Variants in FRMD4A observed in about 807,000 individuals in gnomAD.
FRMD4A encodes the protein FERM domain containing 4A.
In FRMD4A, 29 loss-of-function variants were observed where a neutral mutation model predicts 129.1. The ratio of observed to expected loss-of-function variants is 0.22; its 90% CI spans 0.17 to 0.31. The LOEUF (loss-of-function observed/expected upper bound fraction) is 0.31, where lower values mean the gene tolerates loss of function less well. FRMD4A is among the 10% of genes least tolerant of loss of function. The pLI, the probability that FRMD4A is intolerant of heterozygous loss-of-function variation, is 1.00. For synonymous variants in FRMD4A, 634 were observed against 571.6 expected, an observed-to-expected ratio of 1.11 and a Z score of -1.56; for missense variants, 1,272 against 1,375.8, an observed-to-expected ratio of 0.92 and a Z score of 1.19.
chr10:13,896,768 CAT>C (rs2094763243), intron 2 of FRMD4A, among the ~76,000 whole-genome samples: 1 of 151,756 alleles, frequency 6.6e-6, no homozygotes, highest in Non-Finnish European at 1.5e-5. Context: ...GAAATGAAAA[CAT>C]AAAAAGAAAT....
chr10:14,181,430 A>G (rs879901964), intron 2 of FRMD4A, among the ~76,000 whole-genome samples: 5 of 152,140 alleles, frequency 3.3e-5, no homozygotes, highest in Admixed American at 2.6e-4. Flanking sequence ...GAAAGCTGAG[A>G]GACAGGCATC....
At chr10:14,182,003 T>G (rs1357404923) in intron 2 of FRMD4A, among the ~76,000 whole-genome samples, 1 of 152,220 alleles carries the variant, frequency 6.6e-6, no homozygotes, top group Non-Finnish European at 1.5e-5. Flanking sequence ...ACTACATCTT[T>G]TCTTGATATT....
intron 2 of FRMD4A, among the ~76,000 whole-genome samples, chr10:13,975,679 G>T (rs2095539921): frequency 6.7e-6 from 1 of 150,150 alleles, no homozygotes; most frequent in South Asian, 2.1e-4. Flanking sequence ...GTTTTATGGG[G>T]GTCATTATCT....
At position 14,266,712 on chromosome 10, in the gene FRMD4A, G is replaced by A. The variant is rs554965431; in HGVS notation, c.45+63346C>T. On this transcript the variant is annotated intron_variant, in intron 2 of 24. Transcript: ENST00000357447. ...CTGCAGAGTATGCACTAATTGAACT[G>A]CCTTTATTTTCTTTCTTATCATAAA... Among the ~76,000 whole-genome samples, 36 of 152,236 alleles carry A rather than the reference G, an allele frequency of 2.4e-4. 1 individual carries two copies. In the South Asian group the frequency reaches 7.5e-3, roughly 32 times the overall value.
At chr10:14,053,355 T>C (rs139706317) in intron 2 of FRMD4A, among the ~76,000 whole-genome samples, 105 of 152,188 alleles carry the variant, frequency 6.9e-4, no homozygotes, top group African/African-American at 2.4e-3. Context: ...CAAACACCTC[T>C]CACAACATGA....
chr10:13,760,643 A>G (rs2092032745), intron 8 of FRMD4A, among the ~76,000 whole-genome samples: 1 of 152,246 alleles, frequency 6.6e-6, no homozygotes, highest in African/African-American at 2.4e-5. Context: ...GGTGGCCACC[A>G]ACAGAAGTAG....
At chr10:14,126,249 C>A (rs1589030607) in intron 2 of FRMD4A, among the ~76,000 whole-genome samples, 1 of 145,678 alleles carries the variant, frequency 6.9e-6, no homozygotes, top group South Asian at 2.2e-4. Context: ...TGGCTCAGTG[C>A]AACCTCTGCC....
chr10:14,100,048 C>T (rs111398641), intron 2 of FRMD4A, among the ~76,000 whole-genome samples: 1 of 152,198 alleles, frequency 6.6e-6, no homozygotes, highest in African/African-American at 2.4e-5. Flanking sequence ...GGTTTTCACC[C>T]CCACGTGCCA....
At chr10:13,912,582 G>C (rs979964829) in intron 2 of FRMD4A, among the ~76,000 whole-genome samples, 14 of 146,846 alleles carry the variant, frequency 9.5e-5, no homozygotes, top group African/African-American at 3.6e-4. Context: ...AGGCTAGAGT[G>C]CAGTGGCGCG....
Position 13,708,345 on chromosome 10 carries a change from G to C in FRMD4A, c.760-1232C>G, listed in dbSNP as rs143373064. Among the ~76,000 whole-genome samples, 320 of 152,280 alleles carry C rather than the reference G, an allele frequency of 2.1e-3. 2 individuals are homozygous for C. Among genetic ancestry groups the C allele is most frequent in the African/African-American group, 7.2e-3 (301 of 41,550 alleles). ...CAGGCTGGGGACACTGCTAGTCAAT[G>C]GTTGGCTAGTGGACCTAGCACCCCA... On this transcript the variant is annotated intron_variant, in intron 12 of 24. Transcript: ENST00000357447.
intron 2 of FRMD4A, among the ~76,000 whole-genome samples, chr10:13,904,992 C>CAAAGGAAA (rs551011444): frequency 9.1e-6 from 1 of 109,436 alleles, no homozygotes; most frequent in Non-Finnish European, 1.8e-5. Flanking sequence ...GACTCTATCT[C>CAAAGGAAA]AAAAAAAAAA....
At chr10:14,211,949 TG>T (rs1842944031) in intron 2 of FRMD4A, among the ~76,000 whole-genome samples, 1 of 152,154 alleles carries the variant, frequency 6.6e-6, no homozygotes, top group Non-Finnish European at 1.5e-5. Context: ...GGCTGCCTGG[TG>T]TTTCTCTCTG....
intron 2 of FRMD4A, among the ~76,000 whole-genome samples, chr10:13,867,954 A>G (rs1289519161): frequency 2.1e-5 from 3 of 145,342 alleles, no homozygotes; most frequent in Non-Finnish European, 3.0e-5. Context: ...AATACTATAT[A>G]TGTTTATTAA....
intron 24 of FRMD4A, chr10:13,647,475 A>T (rs996809250): frequency 1.4e-4 from 22 of 152,150 alleles, no homozygotes; most frequent in African/African-American, 4.8e-4. Context: ...CTTTTCCCAC[A>T]CGACAGCTGC....
At chr10:13,653,664 C>T (rs1185146876) in intron 23 of FRMD4A, among the ~76,000 whole-genome samples, 1 of 152,230 alleles carries the variant, frequency 6.6e-6, no homozygotes, top group African/African-American at 2.4e-5. Context: ...TCCTTAACTC[C>T]TCTAACCAAC....
chr10:13,942,748 C>T (rs1387774590), intron 2 of FRMD4A, among the ~76,000 whole-genome samples: 1 of 152,048 alleles, frequency 6.6e-6, no homozygotes, highest in Non-Finnish European at 1.5e-5. Context: ...TCCTGGCCAA[C>T]ATGGTGAAAC....
intron 3 of FRMD4A, among the ~76,000 whole-genome samples, chr10:13,823,726 A>C (rs900289448): frequency 1.8e-4 from 27 of 152,222 alleles, no homozygotes; most frequent in African/African-American, 6.3e-4. Flanking sequence ...GTTCTATAAG[A>C]TCAAATGACA....
chr10:13,797,782 T>G (rs1221748494), intron 4 of FRMD4A, among the ~76,000 whole-genome samples: 1 of 152,128 alleles, frequency 6.6e-6, no homozygotes, highest in Admixed American at 6.6e-5. Flanking sequence ...AGAAACAAAA[T>G]CTGTCTGCAT....
At chr10:13,653,876 T>A (rs1176604902) in intron 23 of FRMD4A, 1 of 161,504 alleles carries the variant, frequency 6.2e-6, no homozygotes, top group Non-Finnish European at 1.3e-5. Context: ...TCGGTTTCAT[T>A]AATTTTGTTG....
Sources: gnomAD v4.1 joint callset for allele counts (sites outside exome capture counted in the v4.1 genomes callset) on GRCh38, gnomAD v4.1.1 for gene constraint, MANE v1.5 for transcripts, NCBI Gene and HGNC (gene_info 2026-07-23, HGNC 2026-07-21) for gene names.